Variants in CENPC observed in about 807,000 individuals in gnomAD.
The protein encoded by CENPC is CENP-C 1.
CENPC carries 63 observed loss-of-function variants against 112.1 expected under a neutral mutation model. The ratio of observed to expected loss-of-function variants is 0.56; its 90% CI spans 0.46 to 0.69. The LOEUF is 0.69. Ranked by LOEUF, CENPC falls within the 30% of genes least tolerant of loss-of-function variation. The pLI, the probability that CENPC is intolerant of heterozygous loss-of-function variation, is 0.00. For missense variants in CENPC, 1,000 were observed against 1,103.8 expected, an observed-to-expected ratio of 0.91 and a Z score of 1.33; for synonymous variants, 333 against 367.6, an observed-to-expected ratio of 0.91 and a Z score of 1.08.
chr4:67,503,842 GAAC>G (rs1252040356), intron 12 of CENPC, among the ~76,000 whole-genome samples: 2 of 151,640 alleles, frequency 1.3e-5, no homozygotes, highest in South Asian at 4.1e-4. Flanking sequence ...AAGTTTTCTA[GAAC>G]AATAAAATGA....
intron 4 of CENPC, among the ~76,000 whole-genome samples, chr4:67,532,847 G>A (rs1337949291): frequency 3.3e-5 from 5 of 152,088 alleles, no homozygotes; most frequent in Non-Finnish European, 5.9e-5. Flanking sequence ...GTATACATAC[G>A]TAACAAACCT....
chr4:67,526,665 C>A (rs1257053011), intron 5 of CENPC, among the ~76,000 whole-genome samples: 1 of 151,946 alleles, frequency 6.6e-6, no homozygotes, highest in Non-Finnish European at 1.5e-5. Context: ...TTTAATAAGG[C>A]AAATATTACC....
intron 17 of CENPC, among the ~76,000 whole-genome samples, chr4:67,488,265 C>T (rs1042495685): frequency 6.7e-6 from 1 of 149,158 alleles, no homozygotes; most frequent in Non-Finnish European, 1.5e-5. Flanking sequence ...AGTGCAGTAC[C>T]TGGAACACAT....
intron 12 of CENPC, among the ~76,000 whole-genome samples, chr4:67,499,074 G>T (rs1560426932): frequency 6.6e-6 from 1 of 152,174 alleles, no homozygotes; most frequent in African/African-American, 2.4e-5. Flanking sequence ...AGAGCTGCTG[G>T]GTGGCCTGGT....
At chr4:67,503,007 TC>T (rs1560428510) in intron 12 of CENPC, among the ~76,000 whole-genome samples, 1 of 152,090 alleles carries the variant, frequency 6.6e-6, no homozygotes, top group African/African-American at 2.4e-5. Context: ...CCTTCCTCCA[TC>T]CCTTCAACCC....
intron 12 of CENPC, among the ~76,000 whole-genome samples, chr4:67,496,613 G>T (rs1249862143): frequency 6.6e-6 from 1 of 152,136 alleles, no homozygotes; most frequent in Non-Finnish European, 1.5e-5. Context: ...AAAATTGCTG[G>T]TTTGGAAGAA....
intron 4 of CENPC, 24 bp from the exon 5 acceptor site, chr4:67,530,938 T>C: frequency 8.3e-7 from 1 of 1,205,844 alleles, no homozygotes. Flanking sequence ...AAATACAACA[T>C]TAGAACTATT....
In CENPC at chr4:67,519,365, C is replaced by T. The variant is rs1270696617; in HGVS notation, c.469G>A (p.Gly157Ser). The change falls in exon 6 of 19, where the codon GGC becomes AGC. Residue 157 changes from glycine to serine, a missense_variant. Physicochemically the swap from Gly to Ser is moderately conservative, Grantham distance 56. Coordinates refer to ENST00000273853, the MANE Select transcript of CENPC (RefSeq NM_001812.4). ...EADEEFYLSV[G>S]SPSVLLDAKT... is the part of the protein sequence containing the mutation. ...GCATCCAAAAGAACAGAAGGTGAGCCAACGGATAAGTAAAATTCTTCATCA... is the reference window on the plus strand; with the variant it reads ...GCATCCAAAAGAACAGAAGGTGAGCTAACGGATAAGTAAAATTCTTCATCA... 5 of 1,613,032 alleles carry T rather than the reference C, an allele frequency of 3.1e-6. No individual in the cohort carries two copies. In the Admixed American group the frequency reaches 6.7e-5, roughly 22 times the overall value.
At chr4:67,543,441 G>C (rs2109839210) in intron 2 of CENPC, among the ~76,000 whole-genome samples, 1 of 152,218 alleles carries the variant, frequency 6.6e-6, no homozygotes, top group Middle Eastern at 3.4e-3. Context: ...TCACATGGCT[G>C]TCTATACTGC....
rs185918036 is a variant in CENPC at position 67,514,153 on chromosome 4, T to C, written c.1365A>G (p.Gln455=). The C allele has an allele frequency of 2.3e-4, 369 of 1,611,152 alleles. No homozygotes were observed. The African/African-American group carries it at 3.4e-3, about 15-fold the overall frequency. The change falls in exon 8 of 19, where the codon CAA becomes CAG. Residue 455 remains glutamine (Q), a synonymous_variant. Transcript: ENST00000273853. ...HTSHITQDEF[Q]RNSDRNMEEH... ...CTTCCATATTTCTGTCTGAATTTCT[T>C]TGAAATTCGTCTTGGGTAATATGTG...
At chr4:67,518,449 G>A in intron 6 of CENPC, 81 bp from the exon 7 acceptor site, 1 of 1,350,382 alleles carries the variant, frequency 7.4e-7, no homozygotes, top group Non-Finnish European at 9.5e-7. Context: ...CCTTTACAGA[G>A]ACAATACAGA....
intron 5 of CENPC, among the ~76,000 whole-genome samples, chr4:67,526,067 C>G (rs1190052485): frequency 6.6e-6 from 1 of 152,012 alleles, no homozygotes; most frequent in African/African-American, 2.4e-5. Flanking sequence ...CAAACTAAAA[C>G]AGAAAACCAA....
At chr4:67,507,387 C>T (rs1725765023) in intron 10 of CENPC, among the ~76,000 whole-genome samples, 1 of 152,296 alleles carries the variant, frequency 6.6e-6, no homozygotes, top group East Asian at 1.9e-4. Flanking sequence ...ACAAGATACA[C>T]TCTTCCTAGT....
chr4:67,523,482 G>C (rs1265494192), intron 5 of CENPC, among the ~76,000 whole-genome samples: 2 of 152,204 alleles, frequency 1.3e-5, no homozygotes, highest in Admixed American at 1.3e-4. Flanking sequence ...GTTGAATGGT[G>C]AACGCCCAGT....
chr4:67,491,480 T>TATATATATAGAGAGAG (rs1725270093), intron 16 of CENPC, among the ~76,000 whole-genome samples: 2 of 18,102 alleles, frequency 1.1e-4, no homozygotes, highest in Non-Finnish European at 2.1e-4. Flanking sequence ...TATATATATA[T>TATATATATAGAGAGAG]AGAGAGAGAG....
At chr4:67,479,311 G>A (rs1724892051) in intron 17 of CENPC, among the ~76,000 whole-genome samples, 1 of 152,136 alleles carries the variant, frequency 6.6e-6, no homozygotes, top group Non-Finnish European at 1.5e-5. Flanking sequence ...AAGATAGACT[G>A]TATGAGAGGC....
chr4:67,491,122 T>C (rs886281608), intron 16 of CENPC, among the ~76,000 whole-genome samples: 2 of 150,628 alleles, frequency 1.3e-5, no homozygotes, highest in African/African-American at 2.4e-5. Flanking sequence ...AAATTTTAAG[T>C]AGGAGTACCA....
chr4:67,530,712 A>C (rs1453127141), intron 5 of CENPC, 103 bp downstream of exon 5: 2 of 494,990 alleles, frequency 4.0e-6, no homozygotes, highest in African/African-American at 2.0e-5. Context: ...AATTCTGTCT[A>C]GGCTGACCCT....
chr4:67,500,562 A>C (rs889992613), intron 12 of CENPC, among the ~76,000 whole-genome samples: 2 of 152,214 alleles, frequency 1.3e-5, no homozygotes, highest in African/African-American at 4.8e-5. Context: ...GCCAAAAAAC[A>C]AAGACAGTAT....
Sources: gnomAD v4.1 joint callset for allele counts (sites outside exome capture counted in the v4.1 genomes callset) on GRCh38, gnomAD v4.1.1 for gene constraint, MANE v1.5 for transcripts, NCBI Gene and HGNC (gene_info 2026-07-23, HGNC 2026-07-21) for gene names.